The following RPTOR variants were observed in gnomAD, a reference collection of about 807,000 sequenced individuals.
RPTOR encodes the protein regulatory associated protein of MTOR complex 1.
RPTOR carries 21 observed loss-of-function variants against 169.9 expected under a neutral mutation model. That is an observed-to-expected ratio of 0.12 (90% CI 0.09 to 0.18). The LOEUF (loss-of-function observed/expected upper bound fraction) is 0.18, where lower values mean the gene tolerates loss of function less well. Among genes scored for constraint, RPTOR ranks in the 10% least tolerant of loss-of-function variants. RPTOR has a pLI of 1.00. For missense variants in RPTOR, 1,133 were observed against 1,855.9 expected (o/e 0.61, Z 7.16); for synonymous variants, 732 against 753.2 (o/e 0.97, Z 0.46).
intron 3 of RPTOR, among the ~76,000 whole-genome samples, chr17:80,706,999 G>A (rs974311550): frequency 6.6e-6 from 1 of 152,110 alleles, no homozygotes; most frequent in Admixed American, 6.5e-5. Flanking sequence ...GGTTTTCTTT[G>A]CCATGATGTT....
At chr17:80,650,516 G>A (rs1044976508) in intron 3 of RPTOR, among the ~76,000 whole-genome samples, 1 of 152,204 alleles carries the variant, frequency 6.6e-6, no homozygotes, top group Non-Finnish European at 1.5e-5. Flanking sequence ...GGGGTGGGGT[G>A]GGGAGAGCTT....
At chr17:80,550,678 C>T (rs1381715957) in intron 1 of RPTOR, among the ~76,000 whole-genome samples, 2 of 152,158 alleles carry the variant, frequency 1.3e-5, no homozygotes, top group Non-Finnish European at 2.9e-5. Flanking sequence ...TCTTTCCTCT[C>T]CCTCTCTTTA....
chr17:80,893,783 G>T lies in RPTOR; in HGVS notation c.2319G>T (p.Glu773Asp). The T allele has an allele frequency of 6.3e-7, 1 of 1,597,796 alleles. No homozygotes were observed. The highest frequency in any genetic ancestry group is 1.4e-5 in the African/African-American group (1 of 73,846). The stretch of plus-strand genomic sequence containing the variant: ...CCAGCAGCACCCTGGGCAGCCCCGA[G>T]AATGAGGAGCATATCCTGTCCTTCG... ...SSASSTLGSP[E>D]NEEHILSFET... The change falls in exon 20 of 34, where the codon GAG (glutamate) becomes GAT (aspartate). Residue 773 changes from glutamate (E) to aspartate (D), a missense_variant. Transcript: ENST00000306801.
At chr17:80,837,171 G>A (rs1159021164) in intron 9 of RPTOR, among the ~76,000 whole-genome samples, 1 of 152,140 alleles carries the variant, frequency 6.6e-6, no homozygotes, top group African/African-American at 2.4e-5. Flanking sequence ...GTCGGTTACT[G>A]TGACAAGGGG....
intron 29 of RPTOR, among the ~76,000 whole-genome samples, chr17:80,958,197 A>AC (rs57809906): frequency 0.04 from 1,254 of 31,016 alleles, 20 homozygotes; most frequent in Non-Finnish European, 0.063. Context: ...CTCCCACCTC[A>AC]CCCCCCCCCC....
chr17:80,666,879 AAT>A (rs2065784276), intron 3 of RPTOR, among the ~76,000 whole-genome samples: 2 of 152,154 alleles, frequency 1.3e-5, no homozygotes, highest in Non-Finnish European at 2.9e-5. Context: ...AAGCCATGCG[AAT>A]TACTGCCCGT....
At chr17:80,656,469 A>G (rs1362365983) in intron 3 of RPTOR, among the ~76,000 whole-genome samples, 1 of 152,268 alleles carries the variant, frequency 6.6e-6, no homozygotes, top group Non-Finnish European at 1.5e-5. Context: ...GGCGAAGCAC[A>G]GAACATCTGT....
At chr17:80,916,715 A>G (rs564025953) in intron 21 of RPTOR, among the ~76,000 whole-genome samples, 2 of 152,198 alleles carry the variant, frequency 1.3e-5, no homozygotes, top group Non-Finnish European at 2.9e-5. Context: ...GTAAATAAAC[A>G]TTGGCCGAGT....
At chr17:80,922,575 G>A in intron 21 of RPTOR, 149 bp from the exon 22 acceptor site, 1 of 689,200 alleles carries the variant, frequency 1.5e-6, no homozygotes, top group Non-Finnish European at 2.5e-6. Context: ...GGGGGATCCA[G>A]CTGGGGCCTT....
chr17:80,546,405 G>A (rs2084275212), intron 1 of RPTOR, among the ~76,000 whole-genome samples: 1 of 152,148 alleles, frequency 6.6e-6, no homozygotes, highest in Non-Finnish European at 1.5e-5. Context: ...TAGGGTATGA[G>A]GCGTCGAGAC....
intron 2 of RPTOR, 57 bp from the exon 3 acceptor site, chr17:80,643,671 C>A: frequency 7.5e-7 from 1 of 1,325,378 alleles, no homozygotes; most frequent in Non-Finnish European, 1.1e-6. Context: ...GAAGAGAGGC[C>A]TAGCAGAGGA....
intron 7 of RPTOR, among the ~76,000 whole-genome samples, chr17:80,797,864 A>G (rs1422759682): frequency 5.3e-5 from 8 of 152,124 alleles, no homozygotes; most frequent in South Asian, 2.1e-4. Flanking sequence ...TCCCACCAAC[A>G]TATGTTAACT....
intron 6 of RPTOR, among the ~76,000 whole-genome samples, chr17:80,765,989 T>C (rs980930180): frequency 6.6e-6 from 1 of 152,238 alleles, no homozygotes; most frequent in African/African-American, 2.4e-5. Flanking sequence ...GCAGAAGGAA[T>C]GTGAACATTT....
At chr17:80,564,420 A>G (rs2084548908) in intron 1 of RPTOR, among the ~76,000 whole-genome samples, 1 of 152,148 alleles carries the variant, frequency 6.6e-6, no homozygotes, top group South Asian at 2.1e-4. Context: ...GAGATAGAGA[A>G]TACAAATGTT....
chr17:80,819,451 T>C (rs1259112689), intron 7 of RPTOR, among the ~76,000 whole-genome samples: 2 of 152,276 alleles, frequency 1.3e-5, no homozygotes. Flanking sequence ...TTGTAGCTGC[T>C]GCGTCGTGGT....
At chr17:80,600,659 G>A (rs1386793024) in intron 1 of RPTOR, among the ~76,000 whole-genome samples, 1 of 152,152 alleles carries the variant, frequency 6.6e-6, no homozygotes, top group Non-Finnish European at 1.5e-5. Flanking sequence ...GCATGTTCCT[G>A]CACACAGGCT....
At chr17:80,825,670 C>T (rs1031298978) in intron 9 of RPTOR, among the ~76,000 whole-genome samples, 5 of 152,226 alleles carry the variant, frequency 3.3e-5, no homozygotes, top group Non-Finnish European at 7.3e-5. Flanking sequence ...AGCCTGGGGA[C>T]AGCATCACAA....
At chr17:80,908,483 G>A (rs1478009784) in intron 20 of RPTOR, among the ~76,000 whole-genome samples, 1 of 152,222 alleles carries the variant, frequency 6.6e-6, no homozygotes, top group African/African-American at 2.4e-5. Flanking sequence ...AATCTAGGAT[G>A]TGACATCAGA....
At chr17:80,949,392 G>T in intron 27 of RPTOR, 51 bp from the exon 28 acceptor site, 1 of 1,458,750 alleles carries the variant, frequency 6.9e-7, no homozygotes, top group Non-Finnish European at 9.6e-7. Context: ...CAGAGCACAG[G>T]CCAGGCCATC....
Sources: allele counts gnomAD v4.1 joint callset (sites outside exome capture counted in the v4.1 genomes callset), GRCh38; gene constraint gnomAD v4.1.1; transcripts MANE v1.5; gene names NCBI Gene and HGNC (gene_info 2026-07-23, HGNC 2026-07-21).